Variants in NR1I2 observed in about 807,000 individuals in gnomAD.
NR1I2 encodes orphan nuclear receptor PAR1.
In NR1I2, 42 loss-of-function variants were observed where a neutral mutation model predicts 43.3. The observed-to-expected ratio is 0.97, with a 90% CI of 0.76 to 1.26. The LOEUF (loss-of-function observed/expected upper bound fraction) is 1.26. NR1I2 is among the 50% of genes most tolerant of loss of function. The pLI is 0.00. For missense variants in NR1I2, 559 were observed against 566.7 expected, an observed-to-expected ratio of 0.99 and a Z score of 0.14; for synonymous variants, 229 against 215.0, an observed-to-expected ratio of 1.06 and a Z score of -0.57.
At chr3:119,794,664 G>A (rs906586385) in intron 1 of NR1I2, among the ~76,000 whole-genome samples, 3 of 152,092 alleles carry the variant, frequency 2.0e-5, no homozygotes, top group African/African-American at 4.8e-5. Context: ...CAGGCCAAGC[G>A]CCATGGTTCA....
chr3:119,802,980 TG>T (rs984439419), intron 1 of NR1I2: 5 of 456,510 alleles, frequency 1.1e-5, no homozygotes, highest in South Asian at 7.7e-5. Context: ...ATGGGGACTT[TG>T]GGGGGTGATT....
chr3:119,809,646 G>A (rs769599827), intron 2 of NR1I2, among the ~76,000 whole-genome samples: 6 of 152,076 alleles, frequency 3.9e-5, no homozygotes, highest in Non-Finnish European at 7.4e-5. Flanking sequence ...CTTAAGGAGG[G>A]GAAATCGAGG....
At chr3:119,786,700 G>T (rs759465580) in intron 1 of NR1I2, among the ~76,000 whole-genome samples, 5 of 152,156 alleles carry the variant, frequency 3.3e-5, no homozygotes, top group African/African-American at 4.8e-5. Flanking sequence ...TGACCTCTTG[G>T]ATCTGATGAC....
At chr3:119,798,728 A>G (rs1033603993) in intron 1 of NR1I2, among the ~76,000 whole-genome samples, 2 of 152,156 alleles carry the variant, frequency 1.3e-5, no homozygotes, top group African/African-American at 4.8e-5. Flanking sequence ...GCCACAGGCA[A>G]CCACGAATCT....
chr3:119,810,251 C>T (rs1437283970), intron 3 of NR1I2, 57 bp downstream of exon 3: 1 of 1,548,332 alleles, frequency 6.5e-7, no homozygotes, highest in South Asian at 1.2e-5. Context: ...TGAGTAAGGA[C>T]GTGCCGTGGG....
intron 1 of NR1I2, among the ~76,000 whole-genome samples, chr3:119,788,075 T>C (rs2107945828): frequency 6.6e-6 from 1 of 151,876 alleles, no homozygotes; most frequent in South Asian, 2.1e-4. Flanking sequence ...GGGAAGGAAC[T>C]ATCTCACCCT....
At chr3:119,812,318 C>G (rs546086060) in intron 4 of NR1I2, among the ~76,000 whole-genome samples, 4 of 152,188 alleles carry the variant, frequency 2.6e-5, no homozygotes, top group Non-Finnish European at 5.9e-5. Flanking sequence ...CTCAGATCTG[C>G]TCTTCCCATC....
At chr3:119,798,797 G>A (rs1367884708) in intron 1 of NR1I2, among the ~76,000 whole-genome samples, 1 of 152,148 alleles carries the variant, frequency 6.6e-6, no homozygotes, top group Non-Finnish European at 1.5e-5. Flanking sequence ...TATACAAAAT[G>A]CGGTCTTTGG....
Position 119,806,957 on chromosome 3 carries a change from C to T in NR1I2, c.-22-272C>T, listed in dbSNP as rs550307917. On this transcript the variant is annotated intron_variant, in intron 1 of 8. Coordinates refer to ENST00000393716, the MANE Select transcript of NR1I2 (RefSeq NM_003889.4). ...CAGACAGCCTGCTCTCTTTTCTTCT[C>T]ATTTCTTCCTCCCTCTTACCCTTAT... is the stretch of plus-strand genomic sequence containing the variant. 7.9e-5 allele frequency among the ~76,000 whole-genome samples: 12 copies of T among 152,302 alleles called. No homozygotes were observed. The South Asian group carries it at 2.1e-3, about 26-fold the overall frequency.
At chr3:119,787,535 C>T (rs2054857740) in intron 1 of NR1I2, among the ~76,000 whole-genome samples, 2 of 152,200 alleles carry the variant, frequency 1.3e-5, no homozygotes, top group Admixed American at 6.5e-5. Flanking sequence ...TCTCCCTTCA[C>T]TGAACAACGT....
At chr3:119,783,345 TA>T (rs1709242676) in intron 1 of NR1I2, among the ~76,000 whole-genome samples, 1 of 152,118 alleles carries the variant, frequency 6.6e-6, no homozygotes, top group Non-Finnish European at 1.5e-5. Flanking sequence ...ATGTATTGTA[TA>T]TGGCTGTTTT....
At chr3:119,797,023 A>C (rs968505639) in intron 1 of NR1I2, among the ~76,000 whole-genome samples, 1 of 152,168 alleles carries the variant, frequency 6.6e-6, no homozygotes, top group Non-Finnish European at 1.5e-5. Flanking sequence ...AGGAGCAAAA[A>C]ACAAAGTCCT....
Position 119,815,126 on chromosome 3 carries a change from C to A in NR1I2, c.937+5C>A. On this transcript the variant is annotated splice_donor_5th_base_variant and intron_variant, in intron 6 of 8. Coordinates refer to ENST00000393716, the MANE Select transcript of NR1I2 (RefSeq NM_003889.4). The stretch of plus-strand genomic sequence containing the variant: ...ACTGCTTGGAAGACACTGCAGGTGC[C>A]CGAGAGAGCCTGCCTGCCCTGGCAG... The A allele has an allele frequency of 6.2e-7, 1 of 1,614,120 alleles. No homozygotes were observed.
At chr3:119,808,042 A>G (rs1356643023) in intron 2 of NR1I2, among the ~76,000 whole-genome samples, 1 of 152,228 alleles carries the variant, frequency 6.6e-6, no homozygotes, top group Admixed American at 6.5e-5. Flanking sequence ...GGCAGGTTCC[A>G]GGGAGAAATG....
Position 119,818,359 on chromosome 3 carries a change from T to G in NR1I2, c.*1147T>G. 3 of 985,394 alleles carry G rather than the reference T, an allele frequency of 3.0e-6. No homozygotes were observed. The highest frequency in any genetic ancestry group is 3.6e-6 in the Non-Finnish European group (3 of 829,912). 61.0% of individuals were successfully genotyped at this position (985,394 alleles called of 1,614,324 possible). On this transcript the variant is annotated 3_prime_UTR_variant, in exon 9 of 9. Transcript: ENST00000393716. The stretch of plus-strand genomic sequence containing the variant: ...TTATAGCCACTTGTGAGTAAAAATT[T>G]TTTTGCATTTTCACAAATTATACTT...
At chr3:119,805,239 T>TTTTGG (rs761921739) in intron 1 of NR1I2, among the ~76,000 whole-genome samples, 2 of 152,112 alleles carry the variant, frequency 1.3e-5, no homozygotes, top group Non-Finnish European at 2.9e-5. Flanking sequence ...CTAGAAGTTT[T>TTTTGG]TTTGGTTTGT....
intron 1 of NR1I2, among the ~76,000 whole-genome samples, chr3:119,795,758 G>A (rs892803231): frequency 1.3e-5 from 2 of 152,148 alleles, no homozygotes; most frequent in Non-Finnish European, 2.9e-5. Flanking sequence ...CCTGACAAGG[G>A]CTTCTCTCCT....
chr3:119,799,578 AAAAC>A (rs1331752252), intron 1 of NR1I2, among the ~76,000 whole-genome samples: 18 of 152,334 alleles, frequency 1.2e-4, no homozygotes, highest in South Asian at 4.1e-4. Context: ...TTCTGATTAA[AAAAC>A]AAACAAACAC....
At chr3:119,792,279 C>A in intron 1 of NR1I2, 1 of 1,525,516 alleles carries the variant, frequency 6.6e-7, no homozygotes, top group Non-Finnish European at 9.0e-7. Flanking sequence ...GAGCGACGAC[C>A]TTATGGAGCG....
Sources: allele counts gnomAD v4.1 joint callset (sites outside exome capture counted in the v4.1 genomes callset), GRCh38; gene constraint gnomAD v4.1.1; transcripts MANE v1.5; gene names NCBI Gene and HGNC (gene_info 2026-07-23, HGNC 2026-07-21).